SLC37A3: variants seen among roughly 807,000 people sequenced by gnomAD.
SLC37A3 encodes solute carrier family 37 member 3.
SLC37A3 carries 51 observed loss-of-function variants against 67.1 expected under a neutral mutation model. The ratio of observed to expected loss-of-function variants is 0.76; its 90% CI spans 0.61 to 0.96. SLC37A3 has a LOEUF of 0.96. SLC37A3 is among the 40% of genes least tolerant of loss of function. SLC37A3 has a pLI of 0.00. For missense variants in SLC37A3, 508 were observed against 603.0 expected, an observed-to-expected ratio of 0.84 and a Z score of 1.65; for synonymous variants, 214 against 231.4, an observed-to-expected ratio of 0.92 and a Z score of 0.68.
chr7:140,350,320 A>T (rs1316519715), intron 9 of SLC37A3, among the ~76,000 whole-genome samples: 2 of 152,324 alleles, frequency 1.3e-5, no homozygotes, highest in Middle Eastern at 6.8e-3. Flanking sequence ...CTTCCACTCC[A>T]GTGCTAGAGT....
At chr7:140,335,665 T>C (rs1796105588) in intron 14 of SLC37A3, among the ~76,000 whole-genome samples, 161 bp from the exon 15 acceptor site, 1 of 152,248 alleles carries the variant, frequency 6.6e-6, no homozygotes, top group Non-Finnish European at 1.5e-5. Flanking sequence ...TTGAAAATTA[T>C]GGCTAATATT....
chr7:140,345,299 G>C (rs1796511234), intron 11 of SLC37A3, 36 bp from the exon 12 acceptor site: 1 of 1,592,722 alleles, frequency 6.3e-7, no homozygotes, highest in Non-Finnish European at 8.6e-7. Flanking sequence ...ATGGTGGCTT[G>C]AAAAGCAGAC....
In SLC37A3 at chr7:140,348,622, A is replaced by G. The variant is rs748400437; in HGVS notation, c.1024+4T>C. ...ATTATGGAAAAGATGTATCACCGGC[A>G]TACCTATGATCCCTCCAACGTCGTA... On this transcript the variant is annotated splice_donor_region_variant and intron_variant, in intron 10 of 14. Transcript: ENST00000326232. 6.3e-7 allele frequency: 1 copy of G among 1,599,946 alleles called. No individual in the cohort carries two copies. Among genetic ancestry groups the G allele is most frequent in the Non-Finnish European group, 8.5e-7 (1 of 1,175,834 alleles).
chr7:140,337,284 C>A lies in SLC37A3; in HGVS notation c.1392G>T (p.Met464Ile), dbSNP rs776391448. Residue 464 changes from methionine (M) to isoleucine (I), a missense_variant and splice_region_variant, in exon 14 of 15, where the codon ATG (methionine) becomes ATT (isoleucine). By Grantham distance (10) the Met-to-Ile change is conservative. Coordinates refer to ENST00000326232, the MANE Select transcript of SLC37A3 (RefSeq NM_207113.3). ...WMWVFYFFILMTSCTIVFISP... is the reference protein window; with the variant it reads ...WMWVFYFFILITSCTIVFISP... ...TTTTTTTAAAGGGGCACACACTTAC[C>A]ATGAGAATGAAAAAGTAGAAAACCC... 2.4e-5 allele frequency: 39 copies of A among 1,594,368 alleles called. No homozygotes were observed. Among genetic ancestry groups the A allele is most frequent in the Non-Finnish European group, 3.2e-5 (38 of 1,172,152 alleles).
intron 6 of SLC37A3, among the ~76,000 whole-genome samples, chr7:140,357,845 A>G (rs1797095645): frequency 6.6e-6 from 1 of 151,498 alleles, no homozygotes; most frequent in African/African-American, 2.4e-5. Context: ...TGAACCTGGG[A>G]GGCGGAGGTT....
chr7:140,373,014 C>T (rs1215258212), intron 3 of SLC37A3, among the ~76,000 whole-genome samples: 2 of 152,116 alleles, frequency 1.3e-5, no homozygotes, highest in South Asian at 2.1e-4. Flanking sequence ...TGCAATGGCG[C>T]GATCTCGGCT....
intron 14 of SLC37A3, among the ~76,000 whole-genome samples, chr7:140,336,700 G>A (rs1306537825): frequency 6.6e-6 from 1 of 152,088 alleles, no homozygotes; most frequent in East Asian, 1.9e-4. Flanking sequence ...ATTAGGGGCT[G>A]GTGATACTTT....
intron 5 of SLC37A3, among the ~76,000 whole-genome samples, chr7:140,359,359 AG>A (rs1329873400): frequency 1.3e-5 from 2 of 151,234 alleles, no homozygotes; most frequent in East Asian, 3.9e-4. Flanking sequence ...AAAAAAAAAA[AG>A]TAATTCCTCA....
chr7:140,354,742 T>G (rs920161150), intron 7 of SLC37A3, among the ~76,000 whole-genome samples: 5 of 109,290 alleles, frequency 4.6e-5, no homozygotes, highest in Non-Finnish European at 7.5e-5. Context: ...TTTTTGGTGT[T>G]TTTTTTTTTT....
intron 10 of SLC37A3, among the ~76,000 whole-genome samples, chr7:140,346,761 G>A (rs1796576268): frequency 6.6e-6 from 1 of 152,094 alleles, no homozygotes; most frequent in African/African-American, 2.4e-5. Context: ...GGGCATGGTA[G>A]CACGTGCCTA....
chr7:140,393,760 TTTAA>T (rs1798810767), intron 1 of SLC37A3, among the ~76,000 whole-genome samples: 1 of 152,152 alleles, frequency 6.6e-6, no homozygotes, highest in Non-Finnish European at 1.5e-5. Flanking sequence ...AGTTATCTGG[TTTAA>T]TTGTTTCCAT....
intron 1 of SLC37A3, among the ~76,000 whole-genome samples, chr7:140,393,720 G>A (rs1416877980): frequency 2.0e-5 from 3 of 152,028 alleles, no homozygotes; most frequent in East Asian, 1.9e-4. Flanking sequence ...CATCTCTTTC[G>A]CCATTTCTTT....
At chr7:140,358,619 G>C (rs1199448622) in intron 6 of SLC37A3, 21 bp downstream of exon 6, 3 of 1,613,252 alleles carry the variant, frequency 1.9e-6, no homozygotes, top group Non-Finnish European at 2.5e-6. Flanking sequence ...AGAGAAATTA[G>C]AGAGGAAGGA....
intron 5 of SLC37A3, among the ~76,000 whole-genome samples, chr7:140,359,301 C>T (rs572862110): frequency 5.4e-4 from 82 of 151,584 alleles, no homozygotes; most frequent in African/African-American, 1.9e-3. Context: ...CAAGATCGTG[C>T]CACTGCACTC....
chr7:140,348,190 CTGGGGAAGG>C (rs1241575934), intron 10 of SLC37A3, among the ~76,000 whole-genome samples: 3 of 152,082 alleles, frequency 2.0e-5, no homozygotes, highest in East Asian at 1.9e-4. Context: ...CCTTATTAGG[CTGGGGAAGG>C]TGGGGAAGGT....
At chr7:140,382,343 G>T in intron 2 of SLC37A3, 95 bp downstream of exon 2, 1 of 978,198 alleles carries the variant, frequency 1.0e-6, no homozygotes, top group Non-Finnish European at 1.6e-6. Context: ...CATTATAAGT[G>T]TATGCCCATC....
At chr7:140,355,011 C>A (rs1245673635) in intron 7 of SLC37A3, among the ~76,000 whole-genome samples, 1 of 152,168 alleles carries the variant, frequency 6.6e-6, no homozygotes. Context: ...TCCCAAAGTG[C>A]TGGGATTACA....
intron 1 of SLC37A3, among the ~76,000 whole-genome samples, chr7:140,386,294 TC>T (rs1349321946): frequency 6.6e-6 from 1 of 152,052 alleles, no homozygotes; most frequent in Admixed American, 6.6e-5. Context: ...GGTCTTGAAT[TC>T]CTGGCCTCGG....
chr7:140,389,706 G>GCAGT (rs1386620992), intron 1 of SLC37A3, among the ~76,000 whole-genome samples: 24 of 152,108 alleles, frequency 1.6e-4, no homozygotes, highest in African/African-American at 5.3e-4. Context: ...AGATGACTTC[G>GCAGT]CACTGCAGCA....
Sources: allele counts gnomAD v4.1 joint callset (sites outside exome capture counted in the v4.1 genomes callset), GRCh38; gene constraint gnomAD v4.1.1; transcripts MANE v1.5; gene names NCBI Gene and HGNC (gene_info 2026-07-23, HGNC 2026-07-21).